The following ROBO2 variants were observed in gnomAD, a reference collection of about 807,000 sequenced individuals.
ROBO2 encodes roundabout guidance receptor 2.
A neutral mutation model predicts 160.8 loss-of-function variants in ROBO2; 53 were observed. The observed-to-expected ratio is 0.33, with a 90% confidence interval of 0.26 to 0.41. The LOEUF (loss-of-function observed/expected upper bound fraction) is 0.41, where lower values mean the gene tolerates loss of function less well. Ranked by LOEUF, ROBO2 falls within the 10% of genes least tolerant of loss-of-function variation. ROBO2 has a pLI of 1.00. For missense variants in ROBO2, 1,577 were observed against 1,722.4 expected (o/e 0.92, Z 1.49); for synonymous variants, 664 against 611.7 (o/e 1.09, Z -1.26).
intron 2 of ROBO2, among the ~76,000 whole-genome samples, chr3:77,294,074 A>G (rs1158967992): frequency 7.1e-6 from 1 of 141,356 alleles, no homozygotes; most frequent in Non-Finnish European, 1.5e-5. Flanking sequence ...CTAGAACAGT[A>G]AAGACATAAA....
In ROBO2 at chr3:76,131,375, G is replaced by A. The variant is rs79385457; in HGVS notation, c.109+193773G>A. ...AGGCTGTTTCCTTTAGAAACTTAAC[G>A]GATGCTTTACATGTTACGACTGTTC... On this transcript the variant is annotated intron_variant, in intron 2 of 26. Transcript: ENST00000487694. Among the ~76,000 whole-genome samples, 482 of 152,130 alleles carry A rather than the reference G, an allele frequency of 3.2e-3. 3 individuals carry two copies. Among genetic ancestry groups the A allele is most frequent in the Middle Eastern group, 0.017 (5 of 294 alleles).
At chr3:77,524,277 A>T (rs1469528147) in intron 6 of ROBO2, among the ~76,000 whole-genome samples, 4 of 103,042 alleles carry the variant, frequency 3.9e-5, no homozygotes, top group African/African-American at 1.5e-4. Context: ...ATCATATATG[A>T]ATTGAATATA....
At chr3:76,034,889 C>T (rs2067052251) in intron 2 of ROBO2, among the ~76,000 whole-genome samples, 1 of 152,122 alleles carries the variant, frequency 6.6e-6, no homozygotes, top group Non-Finnish European at 1.5e-5. Context: ...TGGGTGAGGC[C>T]TGCAAGGCTG....
chr3:76,109,340 A>G (rs189372251), intron 2 of ROBO2, among the ~76,000 whole-genome samples: 183 of 152,234 alleles, frequency 1.2e-3, no homozygotes, highest in Non-Finnish European at 2.2e-3. Flanking sequence ...TAAAAAAACT[A>G]AAGAATTAAA....
chr3:75,919,088 G>C lies in ROBO2; in HGVS notation c.-14+12128G>C, dbSNP rs138953002. On this transcript the variant is annotated intron_variant, in intron 1 of 26. Coordinates refer to the ROBO2 transcript ENST00000487694. ...TCCAATACTATGTTGAGTAAGAGTG[G>C]GGAGAGAGGTCATCCTTCTCTTGTG... 1.6e-3 allele frequency among the ~76,000 whole-genome samples: 238 copies of C among 152,190 alleles called. 1 individual carries two copies. Among genetic ancestry groups the C allele is most frequent in the African/African-American group, 5.5e-3 (229 of 41,514 alleles).
chr3:77,504,620 T>A (rs1182395438), intron 5 of ROBO2, among the ~76,000 whole-genome samples: 3 of 152,286 alleles, frequency 2.0e-5, no homozygotes, highest in African/African-American at 7.2e-5. Context: ...TAGTAAGACA[T>A]ATATATAGTT....
At chr3:77,367,791 G>A (rs980866670) in intron 2 of ROBO2, among the ~76,000 whole-genome samples, 1 of 152,098 alleles carries the variant, frequency 6.6e-6, no homozygotes, top group Admixed American at 6.6e-5. Flanking sequence ...TTAACTCTTA[G>A]AATGCTAAGA....
intron 2 of ROBO2, among the ~76,000 whole-genome samples, chr3:77,260,812 T>C (rs1217064839): frequency 6.6e-6 from 1 of 152,140 alleles, no homozygotes; most frequent in Non-Finnish European, 1.5e-5. Flanking sequence ...TTGTGCGACG[T>C]CCCTATTTGC....
rs1022988480 is a variant in ROBO2 at position 77,364,891 on chromosome 3, C to T, written c.389-112523C>T. On this transcript the variant is annotated intron_variant, in intron 2 of 25. Transcript: ENST00000461745. ...TGCAGGAGGCAGGAGCAGTGAGTAA[C>T]CTTGCTGAATAGCCAAGGATAAGCA... Among the ~76,000 whole-genome samples the T allele has an allele frequency of 2.6e-5, 4 of 152,098 alleles. No individual in the cohort carries two copies. The East Asian group carries it at 5.8e-4, about 22-fold the overall frequency.
At chr3:77,259,124 G>A (rs1386395873) in intron 2 of ROBO2, among the ~76,000 whole-genome samples, 2 of 152,064 alleles carry the variant, frequency 1.3e-5, no homozygotes, top group Non-Finnish European at 2.9e-5. Flanking sequence ...CCAATTTAAC[G>A]ACTCTGCGCT....
chr3:77,173,378 T>C (rs1183254799), intron 2 of ROBO2, among the ~76,000 whole-genome samples: 1 of 150,096 alleles, frequency 6.7e-6, no homozygotes, highest in Non-Finnish European at 1.5e-5. Flanking sequence ...TAATTTTTTT[T>C]CAAAAAAACA....
chr3:77,143,893 G>A (rs2076922680), intron 2 of ROBO2, among the ~76,000 whole-genome samples: 1 of 151,748 alleles, frequency 6.6e-6, no homozygotes, highest in Non-Finnish European at 1.5e-5. Context: ...CTTAGAAGTT[G>A]TTTTGCTACT....
intron 2 of ROBO2, among the ~76,000 whole-genome samples, chr3:76,349,399 G>A (rs2074735482): frequency 6.6e-6 from 1 of 151,978 alleles, no homozygotes; most frequent in Admixed American, 6.6e-5. Flanking sequence ...TACTCATTTA[G>A]CTTATCACAG....
At chr3:77,307,819 G>C (rs2063217725) in intron 2 of ROBO2, among the ~76,000 whole-genome samples, 1 of 152,126 alleles carries the variant, frequency 6.6e-6, no homozygotes, top group Non-Finnish European at 1.5e-5. Context: ...TGAGGTGGTG[G>C]TTGCAGTGAG....
At chr3:77,069,921 T>C (rs2067235379) in intron 1 of ROBO2, among the ~76,000 whole-genome samples, 1 of 152,146 alleles carries the variant, frequency 6.6e-6, no homozygotes, top group Non-Finnish European at 1.5e-5. Flanking sequence ...TGCCTCAGAA[T>C]GTGATCTTAT....
intron 2 of ROBO2, among the ~76,000 whole-genome samples, chr3:77,334,666 T>G (rs1229247302): frequency 6.6e-6 from 1 of 152,146 alleles, no homozygotes; most frequent in Admixed American, 6.5e-5. Context: ...TCTCTAGTAG[T>G]GCTTGGGGTA....
chr3:76,731,356 T>C (rs1022458797), intron 2 of ROBO2, among the ~76,000 whole-genome samples: 1 of 152,176 alleles, frequency 6.6e-6, no homozygotes, highest in African/African-American at 2.4e-5. Context: ...GAACTTCTCA[T>C]TGTTGTTGTA....
At chr3:76,293,899 C>T (rs1032089587) in intron 2 of ROBO2, among the ~76,000 whole-genome samples, 1 of 152,176 alleles carries the variant, frequency 6.6e-6, no homozygotes, top group African/African-American at 2.4e-5. Context: ...CCTCAAAGGG[C>T]CTCCTGCCAC....
chr3:77,368,445 G>A (rs1394740413), intron 2 of ROBO2, among the ~76,000 whole-genome samples: 1 of 152,058 alleles, frequency 6.6e-6, no homozygotes, highest in Non-Finnish European at 1.5e-5. Context: ...GTTGAAACAA[G>A]ACAAAAAAAC....
Sources: gnomAD v4.1 joint callset for allele counts (sites outside exome capture counted in the v4.1 genomes callset) on GRCh38, gnomAD v4.1.1 for gene constraint, MANE v1.5 for transcripts, NCBI Gene and HGNC (gene_info 2026-07-23, HGNC 2026-07-21) for gene names.